STXBP4: variants seen among roughly 807,000 people sequenced by gnomAD.
The protein encoded by STXBP4 is syntaxin binding protein 4.
In STXBP4, 55 loss-of-function variants were observed where a neutral mutation model predicts 76.1. The ratio of observed to expected loss-of-function variants is 0.72; its 90% CI spans 0.58 to 0.91. The LOEUF (loss-of-function observed/expected upper bound fraction) is 0.91, where lower values mean the gene tolerates loss of function less well. Ranked by LOEUF, STXBP4 falls within the 40% of genes least tolerant of loss-of-function variation. The probability of loss-of-function intolerance (pLI) is 0.00; values close to 1 mark genes in which losing one functional copy is unlikely to be tolerated. For missense variants in STXBP4, 618 were observed against 636.9 expected, an observed-to-expected ratio of 0.97 and a Z score of 0.32; for synonymous variants, 201 against 220.2, an observed-to-expected ratio of 0.91 and a Z score of 0.77.
chr17:55,201,208 G>A, the STXBP4 span, among the ~76,000 whole-genome samples: 1 of 152,160 alleles, frequency 6.6e-6, no homozygotes, highest in Non-Finnish European at 1.5e-5. Flanking sequence ...AGTCACACTG[G>A]TATTTAAAAT....
In STXBP4 at chr17:54,991,056, T is replaced by A. The variant is rs1379481251; in HGVS notation, c.180+99T>A. On this transcript the variant is annotated intron_variant, in intron 4 of 17. Transcript: ENST00000376352. Reference sequence around the variant, plus strand: ...TTTATTAGTGAATTTATATCCACTGTGACCATACCTCAGTGAAAAATACAA... The same window carrying A: ...TTTATTAGTGAATTTATATCCACTGAGACCATACCTCAGTGAAAAATACAA... 3 of 1,262,972 alleles carry A rather than the reference T, an allele frequency of 2.4e-6. No homozygotes were observed. The African/African-American group carries it at 4.6e-5, about 19-fold the overall frequency. The allele number at this position is 1,262,972 out of a possible 1,614,324, so 78.2% of individuals were successfully genotyped here. A position where few individuals can be genotyped will look rare whatever the true frequency, so the allele number is the denominator to read the frequency against.
At chr17:55,199,684 A>G in the STXBP4 span, among the ~76,000 whole-genome samples, 1 of 152,214 alleles carries the variant, frequency 6.6e-6, no homozygotes, top group Non-Finnish European at 1.5e-5. Flanking sequence ...TACTCAGCAA[A>G]ATAACTAGAA....
At chr17:54,992,429 A>G (rs2144417913) in intron 4 of STXBP4, among the ~76,000 whole-genome samples, 1 of 151,840 alleles carries the variant, frequency 6.6e-6, no homozygotes, top group Non-Finnish European at 1.5e-5. Context: ...AAAAAAAAAA[A>G]GTATTATTTA....
At chr17:55,031,888 G>A (rs908509349) in intron 9 of STXBP4, among the ~76,000 whole-genome samples, 1 of 152,082 alleles carries the variant, frequency 6.6e-6, no homozygotes, top group African/African-American at 2.4e-5. Context: ...ATGTTGTTCA[G>A]GGGTCAACTC....
At chr17:55,015,013 G>T (rs2144590539) in intron 8 of STXBP4, among the ~76,000 whole-genome samples, 1 of 151,868 alleles carries the variant, frequency 6.6e-6, no homozygotes, top group Admixed American at 6.5e-5. Flanking sequence ...TCTAAGTTTT[G>T]CTCTGGGCGT....
chr17:55,120,255 T>A (rs1369629950), intron 16 of STXBP4, among the ~76,000 whole-genome samples: 1 of 152,338 alleles, frequency 6.6e-6, no homozygotes, highest in South Asian at 2.1e-4. Flanking sequence ...TTATCAATAA[T>A]GTTTTCAAAT....
the STXBP4 span, among the ~76,000 whole-genome samples, chr17:55,211,094 C>T: frequency 7.0e-6 from 1 of 143,180 alleles, no homozygotes; most frequent in African/African-American, 2.9e-5. Context: ...TCGTGAAATG[C>T]CCCCCCCCAT....
intron 4 of STXBP4, among the ~76,000 whole-genome samples, chr17:54,996,207 G>A (rs1392193041): frequency 1.3e-5 from 2 of 150,462 alleles, no homozygotes; most frequent in African/African-American, 4.9e-5. Context: ...TGAAGTTTAA[G>A]TCAGAGTTTA....
At chr17:55,079,952 C>T (rs2079235665) in intron 15 of STXBP4, among the ~76,000 whole-genome samples, 1 of 152,010 alleles carries the variant, frequency 6.6e-6, no homozygotes, top group Non-Finnish European at 1.5e-5. Flanking sequence ...TCTTACTCTC[C>T]TTGCTGCTTA....
intron 10 of STXBP4, among the ~76,000 whole-genome samples, chr17:55,034,736 CTTTTT>C (rs1296009820): frequency 2.0e-5 from 3 of 151,950 alleles, no homozygotes; most frequent in Non-Finnish European, 4.4e-5. Context: ...CCCCAGGTTC[CTTTTT>C]GATTGCTAGT....
rs2080376584 is a variant in STXBP4, at chr17:55,166,126, T to A, written c.*6215T>A. On this transcript the variant is annotated 3_prime_UTR_variant, in exon 18 of 18. Transcript: ENST00000376352. ...CCTGGTGTTTCTTTGTAGAGAGTGC[T>A]CCATTAAAGTAACACTTTTGTCCTG... 1 of 152,182 alleles carries A rather than the reference T, an allele frequency of 6.6e-6. No individual in the cohort carries two copies. The highest frequency in any genetic ancestry group is 2.1e-4 in the South Asian group (1 of 4,828). 9.4% of individuals were successfully genotyped at this position (152,182 alleles called of 1,614,324 possible).
intron 8 of STXBP4, among the ~76,000 whole-genome samples, chr17:55,018,226 G>A (rs770588226): frequency 4.5e-4 from 69 of 152,282 alleles, no homozygotes; most frequent in Non-Finnish European, 7.6e-4. Context: ...GCACCCGGGC[G>A]CTTAGCCGTG....
At chr17:55,026,744 G>A (rs559017313) in intron 8 of STXBP4, among the ~76,000 whole-genome samples, 3 of 152,298 alleles carry the variant, frequency 2.0e-5, no homozygotes, top group Admixed American at 6.5e-5. Context: ...TGTGGAAGTT[G>A]GCCAACTAAC....
intron 16 of STXBP4, among the ~76,000 whole-genome samples, chr17:55,120,298 T>C (rs1399564033): frequency 6.6e-6 from 1 of 152,220 alleles, no homozygotes; most frequent in Non-Finnish European, 1.5e-5. Flanking sequence ...AAATTGTCAG[T>C]GAGCCGTATG....
intron 12 of STXBP4, among the ~76,000 whole-genome samples, chr17:55,049,172 C>A (rs930608818): frequency 1.3e-5 from 2 of 151,914 alleles, no homozygotes; most frequent in African/African-American, 4.8e-5. Context: ...TTTAAAATAT[C>A]AAGGCCATAG....
chr17:55,141,253 A>T (rs1472819252), intron 16 of STXBP4, 57 bp from the exon 17 acceptor site: 46 of 1,408,984 alleles, frequency 3.3e-5, no homozygotes, highest in Non-Finnish European at 4.5e-5. Flanking sequence ...TGTGTCCAGG[A>T]AATAAAGTTA....
In STXBP4 at chr17:55,064,863, CTTTA is replaced by C. The variant is rs796587271; in HGVS notation, c.1012-8032_1012-8029del. On this transcript the variant is annotated intron_variant, in intron 12 of 17. Transcript: ENST00000376352. Reference sequence around the variant, plus strand: ...CTTTATGATTTTTCGTTTTTTATAACTTTATTTAAGTTCATTCCTAGTCATATTT... The same window carrying C: ...CTTTATGATTTTTCGTTTTTTATAACTTTAAGTTCATTCCTAGTCATATTT... Among the ~76,000 whole-genome samples, 47 of 152,106 alleles carry C rather than the reference CTTTA, an allele frequency of 3.1e-4. 1 individual carries two copies. The highest frequency in any genetic ancestry group is 1.0e-3 in the African/African-American group (43 of 41,486).
chr17:55,186,213 AT>A, the STXBP4 span, among the ~76,000 whole-genome samples: 4 of 152,134 alleles, frequency 2.6e-5, no homozygotes, highest in East Asian at 5.8e-4. Flanking sequence ...GATAAATGCA[AT>A]TTTTTTTGAG....
intron 16 of STXBP4, among the ~76,000 whole-genome samples, chr17:55,099,048 G>T (rs1162504169): frequency 6.6e-6 from 1 of 152,098 alleles, no homozygotes; most frequent in South Asian, 2.1e-4. Flanking sequence ...ACTTAGGAAT[G>T]AACTTAAAAC....
Sources: allele counts gnomAD v4.1 joint callset (sites outside exome capture counted in the v4.1 genomes callset), GRCh38; gene constraint gnomAD v4.1.1; transcripts MANE v1.5; gene names NCBI Gene and HGNC (gene_info 2026-07-23, HGNC 2026-07-21).